The following DLG2 variants were observed in gnomAD, a reference collection of about 807,000 sequenced individuals.
The protein encoded by DLG2 is discs large MAGUK scaffold protein 2.
A neutral mutation model predicts 132.5 loss-of-function variants in DLG2; 45 were observed. The observed-to-expected ratio is 0.34, with a 90% confidence interval of 0.27 to 0.44. The LOEUF (loss-of-function observed/expected upper bound fraction) is 0.44, where lower values mean the gene tolerates loss of function less well. Among genes scored for constraint, DLG2 ranks in the 20% least tolerant of loss-of-function variants. The pLI, the probability that DLG2 is intolerant of heterozygous loss-of-function variation, is 1.00. For missense variants in DLG2, 1,045 were observed against 1,196.9 expected (o/e 0.87, Z 1.87); for synonymous variants, 424 against 419.6 (o/e 1.01, Z -0.13).
At chr11:83,712,950 G>A (rs901545465) in intron 18 of DLG2, among the ~76,000 whole-genome samples, 1 of 149,012 alleles carries the variant, frequency 6.7e-6, no homozygotes, top group African/African-American at 2.5e-5. Flanking sequence ...TCCTGCCCAT[G>A]TACCCCGGAA....
intron 11 of DLG2, among the ~76,000 whole-genome samples, chr11:83,991,389 G>A (rs769615084): frequency 2.3e-4 from 35 of 152,188 alleles, no homozygotes; most frequent in Non-Finnish European, 1.9e-4. Flanking sequence ...TTAGCACATT[G>A]CTTTAATACC....
intron 8 of DLG2, among the ~76,000 whole-genome samples, chr11:84,190,412 A>T (rs1233117651): frequency 3.3e-5 from 5 of 152,224 alleles, no homozygotes; most frequent in Admixed American, 3.3e-4. Context: ...ATTTGGAACC[A>T]GAAAGCAAGT....
At chr11:83,980,402 C>T in intron 12 of DLG2, 104 bp downstream of exon 12, 1 of 1,284,804 alleles carries the variant, frequency 7.8e-7, no homozygotes, top group South Asian at 1.7e-5. Context: ...AGCCACCCAC[C>T]CTGTGGTATT....
chr11:83,827,270 C>A (rs552426534), intron 17 of DLG2, among the ~76,000 whole-genome samples: 1 of 152,194 alleles, frequency 6.6e-6, no homozygotes, highest in South Asian at 2.1e-4. Context: ...TATAAGGTGA[C>A]CTTATCAGTA....
Position 83,574,145 on chromosome 11 carries a change from T to A in DLG2, c.1941-32287A>T, listed in dbSNP as rs937869572. Among the ~76,000 whole-genome samples the A allele has an allele frequency of 5.3e-5, 8 of 152,158 alleles. No homozygotes were observed. In the East Asian group the frequency reaches 1.5e-3, roughly 29 times the overall value. On this transcript the variant is annotated intron_variant, in intron 19 of 27. Coordinates refer to ENST00000376104, the MANE Select transcript of DLG2 (RefSeq NM_001142699.3). ...AAGCCCTCCCCTCACCACATTCTTT[T>A]GCAGGCACAAAGTTATGAAACTGGA...
intron 6 of DLG2, among the ~76,000 whole-genome samples, chr11:84,786,113 T>C (rs1358511417): frequency 6.6e-6 from 1 of 152,156 alleles, no homozygotes; most frequent in Non-Finnish European, 1.5e-5. Context: ...AGATAAAATA[T>C]ATCATCATCA....
At chr11:83,537,806 T>A (rs2095924718) in intron 20 of DLG2, among the ~76,000 whole-genome samples, 3 of 13,956 alleles carry the variant, frequency 2.1e-4, no homozygotes, top group East Asian at 1.9e-3. Flanking sequence ...AGACTCTGTC[T>A]CAAAAAAAAA....
chr11:84,403,619 C>T (rs2098838388), intron 7 of DLG2, among the ~76,000 whole-genome samples: 1 of 152,126 alleles, frequency 6.6e-6, no homozygotes, highest in Non-Finnish European at 1.5e-5. Context: ...CACTTGTGGG[C>T]TCAAAATCCT....
At chr11:85,498,115 A>T (rs1206911841) in intron 3 of DLG2, among the ~76,000 whole-genome samples, 10 of 152,238 alleles carry the variant, frequency 6.6e-5, no homozygotes, top group Admixed American at 6.5e-4. Flanking sequence ...AAATGCCCCA[A>T]TTAAAAGACA....
At chr11:83,697,741 C>T (rs1355313693) in intron 18 of DLG2, among the ~76,000 whole-genome samples, 1 of 152,082 alleles carries the variant, frequency 6.6e-6, no homozygotes, top group Non-Finnish European at 1.5e-5. Context: ...ATGTAAAAAG[C>T]TTTAATAAAA....
At chr11:84,237,037 C>T (rs1207388881) in intron 8 of DLG2, among the ~76,000 whole-genome samples, 1 of 151,708 alleles carries the variant, frequency 6.6e-6, no homozygotes, top group Non-Finnish European at 1.5e-5. Context: ...CCAGCGATTC[C>T]CCTGCCTCAG....
intron 21 of DLG2, among the ~76,000 whole-genome samples, chr11:83,529,808 C>A (rs2095692961): frequency 6.6e-6 from 1 of 152,082 alleles, no homozygotes; most frequent in South Asian, 2.1e-4. Context: ...CAGGGCTTCC[C>A]TTCCCAGATG....
At chr11:84,640,916 G>T (rs1336873186) in intron 6 of DLG2, among the ~76,000 whole-genome samples, 1 of 150,766 alleles carries the variant, frequency 6.6e-6, no homozygotes, top group East Asian at 1.9e-4. Flanking sequence ...CTCCAGCCTG[G>T]GTGACAGAGT....
chr11:85,070,151 C>T (rs1050929954), intron 6 of DLG2, among the ~76,000 whole-genome samples: 9 of 151,294 alleles, frequency 5.9e-5, no homozygotes, highest in South Asian at 2.1e-4. Context: ...CGGGGCCTGT[C>T]GTGGGGTGGG....
At chr11:84,535,374 G>A (rs1228249358) in intron 6 of DLG2, among the ~76,000 whole-genome samples, 1 of 152,158 alleles carries the variant, frequency 6.6e-6, no homozygotes, top group Non-Finnish European at 1.5e-5. Flanking sequence ...CTCTTTTAAA[G>A]AACTTTAAAA....
chr11:83,695,971 T>C (rs1592612520), intron 18 of DLG2, among the ~76,000 whole-genome samples: 1 of 151,924 alleles, frequency 6.6e-6, no homozygotes, highest in Non-Finnish European at 1.5e-5. Flanking sequence ...GGCTTGGGAG[T>C]CACGGGGTGG....
At chr11:83,996,688 C>CAT (rs1343453480) in intron 11 of DLG2, among the ~76,000 whole-genome samples, 1 of 152,040 alleles carries the variant, frequency 6.6e-6, no homozygotes, top group Non-Finnish European at 1.5e-5. Flanking sequence ...AACTGGAGAT[C>CAT]ATTATGTTAA....
intron 6 of DLG2, among the ~76,000 whole-genome samples, chr11:84,569,001 A>C (rs1413176761): frequency 6.6e-6 from 1 of 152,112 alleles, no homozygotes; most frequent in African/African-American, 2.4e-5. Context: ...AAAGAGCAAA[A>C]TTGCCCAGCC....
At chr11:85,122,974 T>TATATATATATATATATA in intron 5 of DLG2, among the ~76,000 whole-genome samples, 1 of 67,906 alleles carries the variant, frequency 1.5e-5, no homozygotes, top group East Asian at 4.9e-4. Context: ...TATATATTTT[T>TATATATATATATATATA]TTTTTTTTTT....
Sources: gnomAD v4.1 joint callset for allele counts (sites outside exome capture counted in the v4.1 genomes callset) on GRCh38, gnomAD v4.1.1 for gene constraint, MANE v1.5 for transcripts, NCBI Gene and HGNC (gene_info 2026-07-23, HGNC 2026-07-21) for gene names.